Variants in COL14A1 observed in about 807,000 individuals in gnomAD.
COL14A1 encodes the protein collagen alpha-1(XIV) chain.
Under a neutral mutation model 230.3 loss-of-function variants are expected in COL14A1, and 136 were observed. The observed-to-expected ratio is 0.59, with a 90% CI of 0.51 to 0.68. COL14A1 has a LOEUF of 0.68. Among genes scored for constraint, COL14A1 ranks in the 30% least tolerant of loss-of-function variants. COL14A1 has a pLI of 0.00. For synonymous variants in COL14A1, 792 were observed against 784.1 expected (o/e 1.01, Z -0.17); for missense variants, 1,976 against 2,215.8 (o/e 0.89, Z 2.17).
Position 120,371,467 on chromosome 8 carries a change from G to A in COL14A1, c.*236G>A. The A allele has an allele frequency of 2.5e-6, 1 of 395,056 alleles. No homozygotes were observed. Among genetic ancestry groups the A allele is most frequent in the Non-Finnish European group, 4.5e-6 (1 of 224,652 alleles). 24.5% of individuals were successfully genotyped at this position (395,056 alleles called of 1,614,324 possible). On this transcript the variant is annotated 3_prime_UTR_variant, in exon 48 of 48. Coordinates refer to ENST00000297848, the MANE Select transcript of COL14A1 (RefSeq NM_021110.4). ...AATGATTTCCCTTTGGTGTCTTAAT[G>A]GCATGTCAGATAATTTGTTTTTCCA...
At chr8:120,265,843 A>G (rs1819486549) in intron 24 of COL14A1, among the ~76,000 whole-genome samples, 1 of 151,928 alleles carries the variant, frequency 6.6e-6, no homozygotes, top group African/African-American at 2.4e-5. Context: ...GTTGGAAGAG[A>G]CCTTACAGCT....
chr8:120,151,334 C>A (rs1273385922), intron 2 of COL14A1, among the ~76,000 whole-genome samples: 2 of 151,824 alleles, frequency 1.3e-5, no homozygotes, highest in Non-Finnish European at 2.9e-5. Flanking sequence ...ATTTGCAAAG[C>A]CAAATAGACA....
Position 120,330,030 on chromosome 8 carries a change from T to C in COL14A1, c.4660-2111T>C, listed in dbSNP as rs948347066. Reference sequence around the variant, plus strand: ...TTAAGATTGCTCCAGAGTGAGAAAATAAAGTGTAAAATCACCCACTGGAAA... The same window carrying C: ...TTAAGATTGCTCCAGAGTGAGAAAACAAAGTGTAAAATCACCCACTGGAAA... On this transcript the variant is annotated intron_variant, in intron 40 of 47. Coordinates refer to ENST00000297848, the MANE Select transcript of COL14A1 (RefSeq NM_021110.4). Among the ~76,000 whole-genome samples the C allele has an allele frequency of 2.4e-4, 36 of 152,242 alleles. 1 individual carries two copies. The highest frequency in any genetic ancestry group is 2.1e-4 in the South Asian group (1 of 4,820).
intron 40 of COL14A1, among the ~76,000 whole-genome samples, chr8:120,321,973 A>G (rs1276778869): frequency 6.6e-6 from 1 of 152,104 alleles, no homozygotes; most frequent in African/African-American, 2.4e-5. Flanking sequence ...AGACCTACTG[A>G]TGTCAAAGTG....
At position 120,158,234 on chromosome 8, in the gene COL14A1, A is replaced by C. The variant is rs1815546506; in HGVS notation, c.193A>C (p.Thr65Pro). 1 of 1,583,276 alleles carries C rather than the reference A, an allele frequency of 6.3e-7. No individual in the cohort carries two copies. Among genetic ancestry groups the C allele is most frequent in the African/African-American group, 1.3e-5 (1 of 74,264 alleles). ...ATTTGGTGGTTACAAACTTCTTGTG[A>C]CTCCAACTTCAGGTAAAAACAATTG... ...GKFGGYKLLVTPTSGGKTNQL... is the reference protein window; with the variant it reads ...GKFGGYKLLVPPTSGGKTNQL... The change falls in exon 3 of 48, where the codon ACT (threonine) becomes CCT (proline). Residue 65 changes from threonine to proline, a missense_variant. By Grantham distance (38) the Thr-to-Pro change is conservative. This residue lies in a region of COL14A1 where 181 missense variants were observed against 178.6 expected (regional missense o/e 1.01). Coordinates refer to ENST00000297848, the MANE Select transcript of COL14A1 (RefSeq NM_021110.4).
intron 5 of COL14A1, among the ~76,000 whole-genome samples, chr8:120,193,343 G>A (rs1009220157): frequency 4.6e-5 from 7 of 152,140 alleles, no homozygotes; most frequent in African/African-American, 9.7e-5. Flanking sequence ...TATCAGCAAC[G>A]GTGGCTGCAG....
intron 23 of COL14A1, among the ~76,000 whole-genome samples, chr8:120,255,807 A>G (rs1819131514): frequency 6.6e-6 from 1 of 151,720 alleles, no homozygotes; most frequent in Non-Finnish European, 1.5e-5. Context: ...TTTGGGGATA[A>G]TTGGTGAACA....
intron 45 of COL14A1, among the ~76,000 whole-genome samples, chr8:120,359,894 C>T (rs1823129820): frequency 6.6e-6 from 1 of 152,130 alleles, no homozygotes. Flanking sequence ...CCGCCCTTCT[C>T]TTTTTAACTT....
At chr8:120,176,330 G>A (rs1052677602) in intron 5 of COL14A1, among the ~76,000 whole-genome samples, 1 of 152,132 alleles carries the variant, frequency 6.6e-6, no homozygotes, top group Admixed American at 6.6e-5. Flanking sequence ...CTCAACACAT[G>A]TGCTCAATGC....
intron 36 of COL14A1, among the ~76,000 whole-genome samples, chr8:120,303,390 C>T (rs1336662244): frequency 6.6e-6 from 1 of 152,014 alleles, no homozygotes; most frequent in African/African-American, 2.4e-5. Context: ...ATATATGGCT[C>T]TTATTATTTT....
At chr8:120,149,448 T>C (rs1815198583) in intron 2 of COL14A1, among the ~76,000 whole-genome samples, 1 of 152,192 alleles carries the variant, frequency 6.6e-6, no homozygotes, top group Non-Finnish European at 1.5e-5. Context: ...GAAAGAATGC[T>C]TTTAGCTGTG....
chr8:120,131,191 T>A (rs1189125532), intron 1 of COL14A1, among the ~76,000 whole-genome samples: 1 of 152,192 alleles, frequency 6.6e-6, no homozygotes, highest in African/African-American at 2.4e-5. Context: ...GGAGTGCATG[T>A]GTCTTTTTGG....
At chr8:120,335,102 A>T (rs1253108240) in intron 42 of COL14A1, among the ~76,000 whole-genome samples, 2 of 152,114 alleles carry the variant, frequency 1.3e-5, no homozygotes, top group Non-Finnish European at 2.9e-5. Context: ...GGGAAGAAGG[A>T]AGGAAAGAAA....
At position 120,258,702 on chromosome 8, in the gene COL14A1, T is replaced by C. The variant is rs570967075; in HGVS notation, c.2869+3346T>C. Among the ~76,000 whole-genome samples, 8 of 152,360 alleles carry C rather than the reference T, an allele frequency of 5.3e-5. No homozygotes were observed. In the South Asian group the frequency reaches 1.0e-3, roughly 20 times the overall value. On this transcript the variant is annotated intron_variant, in intron 23 of 47. Transcript: ENST00000297848. Reference sequence around the variant, plus strand: ...GAAAGACTGAAATAAAATCTGCTTTTGACTCAGTCATCCATTTGCCAAATT... The same window carrying C: ...GAAAGACTGAAATAAAATCTGCTTTCGACTCAGTCATCCATTTGCCAAATT...
intron 20 of COL14A1, among the ~76,000 whole-genome samples, chr8:120,245,496 A>G (rs1818733812): frequency 6.6e-6 from 1 of 152,228 alleles, no homozygotes; most frequent in South Asian, 2.1e-4. Context: ...AGTTGTCTTC[A>G]TTATTGATAT....
chr8:120,230,744 C>G (rs1818241716), intron 18 of COL14A1, among the ~76,000 whole-genome samples: 1 of 151,494 alleles, frequency 6.6e-6, no homozygotes, highest in African/African-American at 2.4e-5. Flanking sequence ...AGAAAAAGTT[C>G]AATGAATATT....
chr8:120,196,938 C>T lies in COL14A1; in HGVS notation c.584C>T (p.Thr195Ile), dbSNP rs1817057394. The T allele has an allele frequency of 6.2e-7, 1 of 1,613,596 alleles. No individual in the cohort carries two copies. The highest frequency in any genetic ancestry group is 1.7e-5 in the Admixed American group (1 of 59,956). ...VTAFDVGSEK[T>I]RIGLAQYSGD... ...GCATTCGATGTGGGCTCAGAGAAGA[C>T]ACGAATTGGTATAATTTCTATTATT... Residue 195 changes from threonine to isoleucine, a missense_variant, in exon 6 of 48, where the codon ACA becomes ATA. Thr to Ile is a moderately conservative substitution (Grantham distance 89). This residue lies in a region of COL14A1 where 1,791 missense variants were observed against 2,019.5 expected (regional missense o/e 0.89). Transcript: ENST00000297848.
At chr8:120,147,757 A>G (rs1418994766) in intron 1 of COL14A1, 49 bp from the exon 2 acceptor site, 14 of 939,372 alleles carry the variant, frequency 1.5e-5, no homozygotes, top group Non-Finnish European at 1.8e-5. Context: ...GATTACATAT[A>G]CTTTATTTTC....
In COL14A1 at chr8:120,208,365, T is replaced by A. The variant is rs372150043; in HGVS notation, c.1321+4T>A. ...CTACGGGGAACTGAAACTACACGTA[T>A]GTATTTAATTCTACCCCACTTCTAA... On this transcript the variant is annotated splice_donor_region_variant and intron_variant, in intron 11 of 47. Transcript: ENST00000297848. The A allele has an allele frequency of 6.2e-7, 1 of 1,611,736 alleles. No homozygotes were observed. Among genetic ancestry groups the A allele is most frequent in the South Asian group, 1.1e-5 (1 of 90,796 alleles).
Sources: allele counts gnomAD v4.1 joint callset (sites outside exome capture counted in the v4.1 genomes callset), GRCh38; gene constraint gnomAD v4.1.1; regional missense constraint gnomAD v4.1.1; transcripts MANE v1.5; gene names NCBI Gene and HGNC (gene_info 2026-07-23, HGNC 2026-07-21).